PARD3B: variants seen among roughly 807,000 people sequenced by gnomAD.
PARD3B encodes par-3 family cell polarity regulator beta, also known as partitioning defective 3 homolog B.
PARD3B carries 103 observed loss-of-function variants against 130.2 expected under a neutral mutation model. That is an observed-to-expected ratio of 0.79 (90% CI 0.67 to 0.93). The LOEUF is 0.93. PARD3B is among the 40% of genes least tolerant of loss of function. PARD3B has a pLI of 0.00. For missense variants in PARD3B, 1,609 were observed against 1,499.2 expected, an observed-to-expected ratio of 1.07 and a Z score of -1.21; for synonymous variants, 583 against 553.2, an observed-to-expected ratio of 1.05 and a Z score of -0.76.
rs71032461 is a variant in PARD3B, at chr2:205,322,889, C to CTTTTTTTTTTTTTTTTTTTTTTT, written c.2630+21208_2630+21230dup. ...TGTTGTTATATCATTATTAACACCT[C>CTTTTTTTTTTTTTTTTTTTTTTT]TTTTTTTTTTTTTTTTTTTTTTTTT... On this transcript the variant is annotated intron_variant, in intron 18 of 22. Coordinates refer to ENST00000406610, the MANE Select transcript of PARD3B (RefSeq NM_001302769.2). 5.8e-5 allele frequency among the ~76,000 whole-genome samples: 3 copies of CTTTTTTTTTTTTTTTTTTTTTTT among 51,468 alleles called. 1 individual carries two copies. Among genetic ancestry groups the CTTTTTTTTTTTTTTTTTTTTTTT allele is most frequent in the Non-Finnish European group, 1.1e-4 (3 of 26,334 alleles). 33.8% of individuals were successfully genotyped at this position (51,468 alleles called of 152,430 possible).
chr2:204,894,198 G>C (rs1029751383), intron 2 of PARD3B, among the ~76,000 whole-genome samples: 1 of 152,040 alleles, frequency 6.6e-6, no homozygotes, highest in Non-Finnish European at 1.5e-5. Context: ...ATACATGTTG[G>C]TATTCAGAGA....
In PARD3B at chr2:205,176,472, A is replaced by C. The variant is rs1206772645; in HGVS notation, c.1819A>C (p.Lys607Gln). ...EDPAECGAFS[K>Q]PCFENCQNAV... ...TCCTGCAGAGTGTGGGGCATTTTCCAAGCCATGCTTTGAGAACTGTCAAAA... is the reference window on the plus strand; with the variant it reads ...TCCTGCAGAGTGTGGGGCATTTTCCCAGCCATGCTTTGAGAACTGTCAAAA... The change falls in exon 13 of 23, where the codon AAG becomes CAG. Residue 607 changes from lysine to glutamine, a missense_variant. By Grantham distance (53) the Lys-to-Gln change is moderately conservative (BLOSUM62 1). Coordinates refer to ENST00000406610, the MANE Select transcript of PARD3B (RefSeq NM_001302769.2). This position sits in a 1 kb window ranked among gnomAD's most constrained non-coding sequence, Gnocchi z 5.3. 2 of 1,611,118 alleles carry C rather than the reference A, an allele frequency of 1.2e-6. No homozygotes were observed. Among genetic ancestry groups the C allele is most frequent in the South Asian group, 2.2e-5 (2 of 90,388 alleles).
At chr2:205,547,181 T>G (rs2052415522) in intron 21 of PARD3B, among the ~76,000 whole-genome samples, 1 of 152,196 alleles carries the variant, frequency 6.6e-6, no homozygotes, top group Non-Finnish European at 1.5e-5. Flanking sequence ...TGTTTACATA[T>G]TTGAAAGTAT....
At chr2:205,217,868 G>GTGTGTGTA (rs1257485560) in intron 15 of PARD3B, among the ~76,000 whole-genome samples, 10 of 47,128 alleles carry the variant, frequency 2.1e-4, no homozygotes, top group South Asian at 8.4e-4. Flanking sequence ...GTGTGTGTGT[G>GTGTGTGTA]TATATATATA....
At chr2:204,884,748 G>T (rs1310864383) in intron 2 of PARD3B, among the ~76,000 whole-genome samples, 1 of 152,182 alleles carries the variant, frequency 6.6e-6, no homozygotes, top group Middle Eastern at 3.2e-3. Context: ...TAGGTTGCTA[G>T]CCACCTAGTT....
chr2:205,151,662 A>G (rs991816593), intron 10 of PARD3B, among the ~76,000 whole-genome samples: 8 of 152,026 alleles, frequency 5.3e-5, no homozygotes, highest in Admixed American at 5.2e-4. Context: ...TTTTGAGCCT[A>G]TTTGTGTCTC....
In PARD3B at chr2:205,321,486, C is replaced by T. The variant is rs76128263; in HGVS notation, c.2630+19785C>T. Among the ~76,000 whole-genome samples the T allele has an allele frequency of 5.1e-4, 78 of 152,214 alleles. No homozygotes were observed. The East Asian group carries it at 8.5e-3, about 17-fold the overall frequency. ...TCTTCCTCTCTCTCTTTCCCTCTCT[C>T]TCTCTCTCCCCCCGCCCATATGAAT... On this transcript the variant is annotated intron_variant, in intron 18 of 22. Transcript: ENST00000406610. The surrounding 1 kb of genome is among the most constrained non-coding windows in gnomAD (Gnocchi z 4.2).
At position 205,550,132 on chromosome 2, in the gene PARD3B, C is replaced by T. The variant is rs1339432341; in HGVS notation, c.3181-3192C>T. ...CTCCATGGTTTTTCACTTTTGTGCT[C>T]TTTACTTGAATGGCTTATCCTACTA... On this transcript the variant is annotated intron_variant, in intron 21 of 22. Transcript: ENST00000406610. The surrounding 1 kb of genome is among the most constrained non-coding windows in gnomAD (Gnocchi z 4.5). Among the ~76,000 whole-genome samples, 1 of 152,144 alleles carries T rather than the reference C, an allele frequency of 6.6e-6. No homozygotes were observed. Among genetic ancestry groups the T allele is most frequent in the Non-Finnish European group, 1.5e-5 (1 of 68,030 alleles).
intron 3 of PARD3B, among the ~76,000 whole-genome samples, chr2:205,008,658 A>C (rs907284640): frequency 3.9e-5 from 6 of 152,230 alleles, no homozygotes; most frequent in Admixed American, 3.3e-4. Flanking sequence ...TAGAAAACCT[A>C]AGAATCTTTA....
At chr2:204,918,942 A>T (rs1461168201) in intron 2 of PARD3B, among the ~76,000 whole-genome samples, 1 of 151,270 alleles carries the variant, frequency 6.6e-6, no homozygotes, top group Admixed American at 6.6e-5. Context: ...CCCAGTCTTC[A>T]TTTAAAACTA....
intron 1 of PARD3B, among the ~76,000 whole-genome samples, chr2:204,589,308 C>A (rs942391141): frequency 6.6e-6 from 1 of 152,160 alleles, no homozygotes; most frequent in African/African-American, 2.4e-5. Flanking sequence ...TGCAAGGAGA[C>A]TGATCTGATG....
intron 1 of PARD3B, among the ~76,000 whole-genome samples, chr2:204,555,727 C>CT (rs1490386157): frequency 6.6e-6 from 1 of 152,172 alleles, no homozygotes; most frequent in East Asian, 1.9e-4. Flanking sequence ...ACACTGATCG[C>CT]TTGTCATGTT....
intron 11 of PARD3B, among the ~76,000 whole-genome samples, chr2:205,163,532 A>G (rs1271218842): frequency 1.3e-5 from 2 of 152,230 alleles, no homozygotes; most frequent in Non-Finnish European, 2.9e-5. Flanking sequence ...TGCACTGTTT[A>G]GTAATGGGCA....
chr2:205,280,306 T>C lies in PARD3B; in HGVS notation c.2186-20224T>C, dbSNP rs2041139240. Among the ~76,000 whole-genome samples, 1 of 152,204 alleles carries C rather than the reference T, an allele frequency of 6.6e-6. No homozygotes were observed. On this transcript the variant is annotated intron_variant, in intron 16 of 22. Transcript: ENST00000406610. The surrounding 1 kb of genome is among the most constrained non-coding windows in gnomAD (Gnocchi z 4.7). ...GATGGTATTTTTGTGCCTTGGATAA[T>C]GTTAAGTGAAGAAAAAAATCATCAA... is the stretch of plus-strand genomic sequence containing the variant.
At chr2:205,608,185 G>A (rs543919497) in intron 22 of PARD3B, among the ~76,000 whole-genome samples, 1 of 152,288 alleles carries the variant, frequency 6.6e-6, no homozygotes, top group Admixed American at 6.5e-5. Flanking sequence ...GTAGCACCTT[G>A]GGCAGGTAAC....
chr2:205,467,913 T>A (rs2048687950), intron 20 of PARD3B, among the ~76,000 whole-genome samples: 1 of 152,172 alleles, frequency 6.6e-6, no homozygotes, highest in Non-Finnish European at 1.5e-5. Context: ...GAAAAAGACA[T>A]ATAAACAATC....
chr2:205,419,494 T>C lies in PARD3B; in HGVS notation c.2741+18371T>C, dbSNP rs183513141. Among the ~76,000 whole-genome samples, 61 of 152,314 alleles carry C rather than the reference T, an allele frequency of 4.0e-4. 2 individuals are homozygous for C. The East Asian group carries it at 0.011, about 26-fold the overall frequency. ...ATGGTGGAGCAAATTGAACTTTCTT[T>C]ACAGTTTTGAAAAACTGAAGAGGCC... is the stretch of plus-strand genomic sequence containing the variant. On this transcript the variant is annotated intron_variant, in intron 19 of 22. Transcript: ENST00000406610.
chr2:204,590,592 A>G (rs1370116428), intron 1 of PARD3B, among the ~76,000 whole-genome samples: 1 of 152,178 alleles, frequency 6.6e-6, no homozygotes, highest in African/African-American at 2.4e-5. Flanking sequence ...AGCTGGGAAC[A>G]TATGAGAAGG....
At chr2:205,528,293 A>G (rs1368131173) in intron 21 of PARD3B, among the ~76,000 whole-genome samples, 1 of 152,194 alleles carries the variant, frequency 6.6e-6, no homozygotes, top group East Asian at 1.9e-4. Context: ...TTAAGAAGTC[A>G]TGCACATTTG....
Sources: allele counts gnomAD v4.1 joint callset (sites outside exome capture counted in the v4.1 genomes callset), GRCh38; gene constraint gnomAD v4.1.1; non-coding constraint Gnocchi (gnomAD v3.1); transcripts MANE v1.5; gene names NCBI Gene and HGNC (gene_info 2026-07-23, HGNC 2026-07-21).